NCAM1: variants seen among roughly 807,000 people sequenced by gnomAD.
NCAM1 encodes antigen recognized by monoclonal antibody 5.1H11.
A neutral mutation model predicts 109.8 loss-of-function variants in NCAM1; 14 were observed. That is an observed-to-expected ratio of 0.13 (90% CI 0.08 to 0.20). The LOEUF (loss-of-function observed/expected upper bound fraction) is 0.20, where lower values mean the gene tolerates loss of function less well. Ranked by LOEUF, NCAM1 falls within the 10% of genes least tolerant of loss-of-function variation. NCAM1 has a pLI of 1.00. For missense variants in NCAM1, 774 were observed against 1,109.9 expected, an observed-to-expected ratio of 0.70 and a Z score of 4.30; for synonymous variants, 418 against 442.9, an observed-to-expected ratio of 0.94 and a Z score of 0.70.
At chr11:113,249,732 A>C (rs543048954) in intron 15 of NCAM1, among the ~76,000 whole-genome samples, 132 of 152,300 alleles carry the variant, frequency 8.7e-4, no homozygotes, top group African/African-American at 3.1e-3. Context: ...AAACAAAGAT[A>C]ATTGATCAAT....
intron 14 of NCAM1, among the ~76,000 whole-genome samples, chr11:113,245,670 G>C (rs1555120051): frequency 1.3e-5 from 2 of 152,114 alleles, no homozygotes; most frequent in African/African-American, 4.8e-5. Flanking sequence ...GGAGAAAGAA[G>C]TGAGATAAGA....
At chr11:113,237,027 G>C (rs1945187306) in intron 14 of NCAM1, among the ~76,000 whole-genome samples, 1 of 152,224 alleles carries the variant, frequency 6.6e-6, no homozygotes, top group South Asian at 2.1e-4. Context: ...GTTTGGGGAA[G>C]ACTAACCAGC....
At chr11:113,100,394 C>T (rs888412865) in intron 1 of NCAM1, among the ~76,000 whole-genome samples, 4 of 152,094 alleles carry the variant, frequency 2.6e-5, no homozygotes, top group African/African-American at 9.7e-5. Context: ...TAAGTGTTAA[C>T]CAGCTCAGTA....
intron 1 of NCAM1, among the ~76,000 whole-genome samples, chr11:113,177,644 G>T (rs782412092): frequency 5.9e-5 from 9 of 152,094 alleles, no homozygotes; most frequent in Non-Finnish European, 1.3e-4. Flanking sequence ...TGTTGGTCAG[G>T]CTGGTCTCAA....
At chr11:113,173,825 G>T (rs1347050859) in intron 1 of NCAM1, among the ~76,000 whole-genome samples, 1 of 151,954 alleles carries the variant, frequency 6.6e-6, no homozygotes, top group Non-Finnish European at 1.5e-5. Flanking sequence ...GCAGGAGTCA[G>T]CACGGCAGGG....
At chr11:113,168,808 A>G (rs1222069473) in intron 1 of NCAM1, among the ~76,000 whole-genome samples, 2 of 152,168 alleles carry the variant, frequency 1.3e-5, no homozygotes, top group Non-Finnish European at 2.9e-5. Flanking sequence ...TTTTTAATCA[A>G]TGGGAAATGT....
At chr11:113,172,706 G>C (rs782797335) in intron 1 of NCAM1, among the ~76,000 whole-genome samples, 1 of 152,190 alleles carries the variant, frequency 6.6e-6, no homozygotes, top group African/African-American at 2.4e-5. Flanking sequence ...AATGAATAAA[G>C]CTGTTTTACC....
intron 1 of NCAM1, among the ~76,000 whole-genome samples, chr11:113,029,141 G>C (rs1392179876): frequency 6.6e-6 from 1 of 152,208 alleles, no homozygotes; most frequent in Non-Finnish European, 1.5e-5. Flanking sequence ...TTGTCAGTCA[G>C]TGGTAATATC....
At chr11:113,091,096 T>C (rs1419256321) in intron 1 of NCAM1, among the ~76,000 whole-genome samples, 2 of 152,186 alleles carry the variant, frequency 1.3e-5, no homozygotes, top group African/African-American at 2.4e-5. Context: ...CAAGTTTGAT[T>C]TCCTAGAAGA....
chr11:113,276,482 T>C lies in NCAM1; in HGVS notation c.*1095T>C, dbSNP rs1233891946. On this transcript the variant is annotated 3_prime_UTR_variant, in exon 20 of 20. Transcript: ENST00000316851. The stretch of plus-strand genomic sequence containing the variant: ...CTCACCCTTCTTTTGAAGGACTCCT[T>C]AGGCTTTGTTGAATGAAGCAGAGAA... 1 of 152,682 alleles carries C rather than the reference T, an allele frequency of 6.5e-6. No homozygotes were observed. Among genetic ancestry groups the C allele is most frequent in the Non-Finnish European group, 1.5e-5 (1 of 68,056 alleles). 9.5% of individuals were successfully genotyped at this position (152,682 alleles called of 1,614,324 possible). A position where few individuals can be genotyped will look rare whatever the true frequency, so the allele number is the denominator to read the frequency against.
At chr11:113,030,488 A>G (rs535423354) in intron 1 of NCAM1, among the ~76,000 whole-genome samples, 276 of 152,332 alleles carry the variant, frequency 1.8e-3, no homozygotes, top group South Asian at 8.1e-3. Flanking sequence ...TTAAGATGTT[A>G]TCTCTCATTG....
intron 14 of NCAM1, among the ~76,000 whole-genome samples, chr11:113,237,514 T>C (rs551433686): frequency 7.9e-5 from 12 of 152,332 alleles, no homozygotes; most frequent in Admixed American, 7.8e-4. Flanking sequence ...GGATGGAGCC[T>C]TCAGGCCGGA....
intron 1 of NCAM1, among the ~76,000 whole-genome samples, chr11:113,050,656 C>A (rs1555081671): frequency 3.3e-5 from 1 of 29,980 alleles, no homozygotes; most frequent in Non-Finnish European, 6.1e-5. Context: ...AAACCCAGTA[C>A]AAAATTTAAT....
intron 1 of NCAM1, among the ~76,000 whole-genome samples, chr11:113,188,351 A>G (rs965580016): frequency 1.3e-5 from 2 of 152,184 alleles, no homozygotes; most frequent in Non-Finnish European, 2.9e-5. Context: ...AGGACTCCAC[A>G]TCTATCTAAG....
chr11:112,965,358 C>A (rs567245274), intron 1 of NCAM1, among the ~76,000 whole-genome samples: 1 of 152,056 alleles, frequency 6.6e-6, no homozygotes, highest in Non-Finnish European at 1.5e-5. Flanking sequence ...GTCTGTAGCA[C>A]CCCCAAATTC....
chr11:112,998,910 A>G (rs978725874), intron 1 of NCAM1, among the ~76,000 whole-genome samples: 3 of 152,178 alleles, frequency 2.0e-5, no homozygotes, highest in Non-Finnish European at 4.4e-5. Flanking sequence ...AAACAAAGCT[A>G]AAGAGTTTCC....
At chr11:113,034,286 T>TC (rs1285480091) in intron 1 of NCAM1, among the ~76,000 whole-genome samples, 9 of 151,230 alleles carry the variant, frequency 6.0e-5, no homozygotes, top group Admixed American at 1.3e-4. Context: ...TTTTTTTTTT[T>TC]CACTTTCACC....
rs565929969 is a variant in NCAM1, at chr11:113,275,498, GCACA to G, written c.*120_*123del. 6.4e-5 allele frequency: 81 copies of G among 1,260,484 alleles called. No homozygotes were observed. Among genetic ancestry groups the G allele is most frequent in the Non-Finnish European group, 7.9e-5 (72 of 915,212 alleles). 78.1% of individuals were successfully genotyped at this position (1,260,484 alleles called of 1,614,324 possible). ...CGCACGCACACACACAAACACACAT[GCACA>G]CACACACATCTCATTTCTCTAGTGT... On this transcript the variant is annotated 3_prime_UTR_variant, in exon 20 of 20. Transcript: ENST00000316851.
At chr11:113,205,998 C>T in intron 4 of NCAM1, 45 bp from the exon 5 acceptor site, 4 of 1,611,424 alleles carry the variant, frequency 2.5e-6, no homozygotes, top group Non-Finnish European at 3.4e-6. Flanking sequence ...CCTGCAGATG[C>T]TCTCTGACTG....
Sources: allele counts gnomAD v4.1 joint callset (sites outside exome capture counted in the v4.1 genomes callset), GRCh38; gene constraint gnomAD v4.1.1; transcripts MANE v1.5; gene names NCBI Gene and HGNC (gene_info 2026-07-23, HGNC 2026-07-21).